MYL5: variants seen among roughly 807,000 people sequenced by gnomAD.
MYL5 encodes the protein myosin light chain 5.
A neutral mutation model predicts 20.8 loss-of-function variants in MYL5; 28 were observed. The observed-to-expected ratio is 1.35, with a 90% CI of 1.00 to 1.84. The LOEUF is 1.84. Among genes scored for constraint, MYL5 ranks in the 40% most tolerant of loss-of-function variants. The pLI, the probability that MYL5 is intolerant of heterozygous loss-of-function variation, is 0.00. For missense variants in MYL5, 274 were observed against 227.3 expected, an observed-to-expected ratio of 1.21 and a Z score of -1.32; for synonymous variants, 118 against 87.4, an observed-to-expected ratio of 1.35 and a Z score of -1.95.
upstream of MYL5, chr4:677,832 C>G: frequency 1.2e-6 from 1 of 855,332 alleles, no homozygotes; most frequent in Non-Finnish European, 1.9e-6. Flanking sequence ...CGGGGTGAGG[C>G]AGGGCAAGGG....
chr4:680,604 C>T lies in MYL5; in HGVS notation c.371+17C>T, dbSNP rs760006765. The T allele has an allele frequency of 1.9e-6, 3 of 1,610,156 alleles. No individual in the cohort carries two copies. The highest frequency in any genetic ancestry group is 2.2e-5 in the East Asian group (1 of 44,852). ...CAAGGAGTAGTGAGTGCCCGGGCGG[C>T]CAGGGCGGCCCGGCTTCCGGGGAAC... On this transcript the variant is annotated intron_variant, in intron 5 of 6. Transcript: ENST00000400159.
chr4:680,695 C>T (rs1255177746), intron 5 of MYL5, 108 bp downstream of exon 7: 7 of 1,142,346 alleles, frequency 6.1e-6, no homozygotes, highest in East Asian at 2.4e-5. Context: ...ACCTCCCCAC[C>T]TCTGACCAGC....
intron 1 of MYL5, chr4:678,392 A>T: frequency 7.1e-7 from 1 of 1,415,168 alleles, no homozygotes; most frequent in Non-Finnish European, 9.2e-7. Flanking sequence ...CTGGACGGCG[A>T]TCCCTGACCA....
At chr4:675,001 T>G (rs959707315), upstream of MYL5, 1 of 152,386 alleles carries the variant, frequency 6.6e-6, no homozygotes, top group Non-Finnish European at 1.5e-5. Context: ...GCTGGGATCT[T>G]CTTGGGAAGA....
upstream of MYL5, chr4:676,992 G>C: frequency 1.1e-6 from 1 of 933,646 alleles, no homozygotes; most frequent in Non-Finnish European, 1.3e-6. Context: ...CTCTGCTCAA[G>C]AGACATGCAA....
chr4:678,529 G>T (rs528153509), intron 1 of MYL5, 129 bp from the exon 4 acceptor site: 1 of 1,461,180 alleles, frequency 6.8e-7, no homozygotes, highest in South Asian at 1.4e-5. Flanking sequence ...CTCCTCAGCT[G>T]TCTGGCCCCC....
At chr4:674,588 G>T (rs1257180397), upstream of MYL5, 9 of 395,424 alleles carry the variant, frequency 2.3e-5, no homozygotes, top group Non-Finnish European at 3.7e-5. Context: ...CGCTGCTGCC[G>T]AGGCCCCGCC....
At chr4:677,966 A>G in exon 1 of MYL5, 3 of 1,613,032 alleles carry the variant, frequency 1.9e-6, no homozygotes, top group East Asian at 2.2e-5. Flanking sequence ...ACCAAGCAGG[A>G]GCTTAAGATG....
upstream of MYL5, chr4:674,703 G>C (rs771083119): frequency 4.0e-5 from 8 of 199,486 alleles, no homozygotes; most frequent in Admixed American, 1.3e-4. Flanking sequence ...GCTCGGGCGG[G>C]TCCAGCCCCG....
At chr4:677,542 G>C (rs1405092459), upstream of MYL5, among the ~76,000 whole-genome samples, 2 of 152,234 alleles carry the variant, frequency 1.3e-5, no homozygotes, top group Non-Finnish European at 2.9e-5. Context: ...CTGTCACCAA[G>C]GCAGGGAGGG....
chr4:677,006 G>A, upstream of MYL5: 1 of 867,292 alleles, frequency 1.2e-6, no homozygotes, highest in South Asian at 5.3e-5. Context: ...CATGCAAGTG[G>A]CACCTGTCTT....
At chr4:679,595 G>A (rs1336933481) in intron 3 of MYL5, among the ~76,000 whole-genome samples, 2 of 152,166 alleles carry the variant, frequency 1.3e-5, no homozygotes, top group African/African-American at 2.4e-5. Context: ...TTCTCCTTGG[G>A]GTGGGAGGGT....
intron 4 of MYL5, among the ~76,000 whole-genome samples, chr4:680,264 C>T (rs1304595775): frequency 6.6e-6 from 1 of 152,154 alleles, no homozygotes; most frequent in Non-Finnish European, 1.5e-5. Flanking sequence ...CAGCACTCAC[C>T]CCCAGCTCCA....
At chr4:678,055 G>A in intron 1 of MYL5, 26 bp downstream of exon 3, 1 of 1,612,746 alleles carries the variant, frequency 6.2e-7, no homozygotes, top group Non-Finnish European at 8.5e-7. Flanking sequence ...TGCATGCCTG[G>A]GGCAGGCGTG....
Position 681,882 on chromosome 4 carries a change from C to T in MYL5, c.421-11C>T. 2 of 1,313,536 alleles carry T rather than the reference C, an allele frequency of 1.5e-6. No homozygotes were observed. Among genetic ancestry groups the T allele is most frequent in the Non-Finnish European group, 2.0e-6 (2 of 1,022,058 alleles). 81.4% of individuals were successfully genotyped at this position (1,313,536 alleles called of 1,614,324 possible). On this transcript the variant is annotated splice_polypyrimidine_tract_variant and intron_variant, in intron 6 of 6. Coordinates refer to ENST00000400159, the Ensembl canonical transcript of MYL5. The stretch of plus-strand genomic sequence containing the variant: ...GGAGCCCGCAAGGAGCCCTTTCGCC[C>T]CCGCCCGCAGGTGGACCAGATGTTC...
chr4:680,139 T>C, intron 4 of MYL5, 121 bp downstream of exon 6: 1 of 1,010,314 alleles, frequency 9.9e-7, no homozygotes, highest in East Asian at 2.6e-5. Context: ...CCTGGCACTC[T>C]GGGAGCCAAC....
At chr4:680,129 C>A in intron 4 of MYL5, 111 bp downstream of exon 6, 3 of 1,082,748 alleles carry the variant, frequency 2.8e-6, no homozygotes, top group Non-Finnish European at 4.0e-6. Context: ...AGCCCTAGGG[C>A]CTGGCACTCT....
At chr4:679,928 A>G (rs1739274680) in exon 4 of MYL5, 2 of 1,613,708 alleles carry the variant, frequency 1.2e-6, no homozygotes, top group East Asian at 4.5e-5. Flanking sequence ...GACCAACGTC[A>G]AGGACGACGA....
chr4:678,485 C>T (rs1024891686), intron 1 of MYL5, 173 bp from the exon 4 acceptor site: 88 of 1,438,468 alleles, frequency 6.1e-5, no homozygotes, highest in Non-Finnish European at 7.6e-5. Context: ...CGTCCTGCCC[C>T]CAACCCCAGC....
Sources: gnomAD v4.1 joint callset for allele counts (sites outside exome capture counted in the v4.1 genomes callset) on GRCh38, gnomAD v4.1.1 for gene constraint, MANE v1.5 for transcripts, NCBI Gene and HGNC (gene_info 2026-07-23, HGNC 2026-07-21) for gene names.